The following ZNF704 variants were observed in gnomAD, a reference collection of about 807,000 sequenced individuals.
ZNF704 encodes the protein zinc finger protein 704.
In ZNF704, 10 loss-of-function variants were observed where a neutral mutation model predicts 44.7. The observed-to-expected ratio is 0.22, with a 90% CI of 0.14 to 0.38. ZNF704 has a LOEUF of 0.38. Among genes scored for constraint, ZNF704 ranks in the 10% least tolerant of loss-of-function variants. ZNF704 has a pLI of 1.00. For synonymous variants in ZNF704, 211 were observed against 207.6 expected, an observed-to-expected ratio of 1.02 and a Z score of -0.14; for missense variants, 390 against 545.5, an observed-to-expected ratio of 0.71 and a Z score of 2.84.
In ZNF704 at chr8:80,646,657, A is replaced by G. The variant is rs185371939; in HGVS notation, c.1033-3528T>C. On this transcript the variant is annotated intron_variant, in intron 7 of 8. Transcript: ENST00000327835. ...CTTTGGAGTTCAGTGCATTCATTTC[A>G]TGTGTATAGATACGCAGCTTCCTCC... Among the ~76,000 whole-genome samples, 376 of 152,246 alleles carry G rather than the reference A, an allele frequency of 2.5e-3. 4 individuals carry two copies. Among genetic ancestry groups the G allele is most frequent in the African/African-American group, 8.7e-3 (363 of 41,548 alleles).
At chr8:80,737,848 C>T (rs1000876191) in intron 2 of ZNF704, among the ~76,000 whole-genome samples, 1 of 152,038 alleles carries the variant, frequency 6.6e-6, no homozygotes, top group Non-Finnish European at 1.5e-5. Context: ...CATTAGTAGA[C>T]TATTACTCAT....
At chr8:80,723,057 T>A (rs1052734271) in intron 2 of ZNF704, among the ~76,000 whole-genome samples, 1 of 152,252 alleles carries the variant, frequency 6.6e-6, no homozygotes, top group African/African-American at 2.4e-5. Flanking sequence ...CAGTACTATG[T>A]CATATTTGAC....
At chr8:80,699,924 C>T (rs1484650690) in intron 2 of ZNF704, among the ~76,000 whole-genome samples, 1 of 152,138 alleles carries the variant, frequency 6.6e-6, no homozygotes, top group Non-Finnish European at 1.5e-5. Context: ...CCAGGCTCTC[C>T]CTTGTAGGTC....
chr8:80,716,058 C>A (rs546885817), intron 2 of ZNF704, among the ~76,000 whole-genome samples: 2 of 149,110 alleles, frequency 1.3e-5, no homozygotes, highest in Non-Finnish European at 3.0e-5. Context: ...CCAGCCTGGG[C>A]GACAAAGTGA....
chr8:80,739,998 A>T (rs918664195), intron 2 of ZNF704, among the ~76,000 whole-genome samples: 8 of 151,978 alleles, frequency 5.3e-5, no homozygotes, highest in Non-Finnish European at 1.0e-4. Flanking sequence ...GGTATGCTTG[A>T]CCATTGAGGG....
intron 2 of ZNF704, among the ~76,000 whole-genome samples, chr8:80,779,676 TA>T (rs1807477654): frequency 1.3e-5 from 2 of 152,092 alleles, no homozygotes; most frequent in South Asian, 4.1e-4. Context: ...TAGATACTAA[TA>T]ATACATTTCA....
chr8:80,859,248 T>C (rs1809018248), intron 1 of ZNF704, among the ~76,000 whole-genome samples: 1 of 152,196 alleles, frequency 6.6e-6, no homozygotes, highest in Non-Finnish European at 1.5e-5. Flanking sequence ...AAGATATATA[T>C]TCTATGCTAA....
At chr8:80,709,112 G>A (rs1425593107) in intron 2 of ZNF704, among the ~76,000 whole-genome samples, 3 of 152,084 alleles carry the variant, frequency 2.0e-5, no homozygotes, top group African/African-American at 7.2e-5. Flanking sequence ...ACCATAGACA[G>A]AAATAAGCAC....
chr8:80,785,029 C>T (rs1408528223), intron 2 of ZNF704, among the ~76,000 whole-genome samples: 2 of 152,164 alleles, frequency 1.3e-5, no homozygotes, highest in Non-Finnish European at 2.9e-5. Context: ...CTAAAGTCCA[C>T]ACTGTATTCA....
At chr8:80,867,874 C>A (rs1809183848) in intron 1 of ZNF704, among the ~76,000 whole-genome samples, 1 of 152,228 alleles carries the variant, frequency 6.6e-6, no homozygotes, top group African/African-American at 2.4e-5. Flanking sequence ...TATATTATCT[C>A]ATTTAAAAGC....
intron 2 of ZNF704, among the ~76,000 whole-genome samples, chr8:80,719,091 T>C (rs1354914727): frequency 6.6e-6 from 1 of 152,068 alleles, no homozygotes; most frequent in East Asian, 1.9e-4. Flanking sequence ...TCAGCCTCCC[T>C]AGTAGTTGGG....
rs1441828174 is a variant in ZNF704 at position 80,631,246 on chromosome 8, T to C, written c.*10120A>G. On this transcript the variant is annotated 3_prime_UTR_variant, in exon 9 of 9. Coordinates refer to ENST00000327835, the MANE Select transcript of ZNF704 (RefSeq NM_001033723.3). ...GGTAGTTTATCATGAAACTCCGCTG[T>C]ATATCCCTGAGGGGTATATTCACAC... The C allele has an allele frequency of 6.6e-6, 1 of 152,080 alleles. No homozygotes were observed. Among genetic ancestry groups the C allele is most frequent in the Admixed American group, 6.5e-5 (1 of 15,270 alleles). The allele number at this position is 152,080 out of a possible 1,614,324, so 9.4% of individuals were successfully genotyped here. A position where few individuals can be genotyped will look rare whatever the true frequency, so the allele number is the denominator to read the frequency against.
intron 2 of ZNF704, among the ~76,000 whole-genome samples, chr8:80,789,916 TAGTC>T (rs1035139994): frequency 6.7e-4 from 102 of 152,296 alleles, no homozygotes; most frequent in African/African-American, 2.3e-3. Flanking sequence ...CAAGAAGAAA[TAGTC>T]AGAGAAAGGA....
chr8:80,876,652 A>T (rs1018224390), upstream of ZNF704, among the ~76,000 whole-genome samples: 15 of 152,180 alleles, frequency 9.9e-5, no homozygotes, highest in Admixed American at 9.8e-4. Flanking sequence ...CTGTTTCCTC[A>T]TCTGTGAAAT....
chr8:80,693,251 GGAAGCT>G (rs1334768537), intron 2 of ZNF704, 144 bp from the exon 3 acceptor site: 1 of 690,606 alleles, frequency 1.4e-6, no homozygotes, highest in East Asian at 2.7e-5. Flanking sequence ...TTATAGATGA[GGAAGCT>G]GAAGCCCATG....
At position 80,792,648 on chromosome 8, in the gene ZNF704, A is replaced by C. The variant is rs983811245; in HGVS notation, c.221+28726T>G. Among the ~76,000 whole-genome samples, 87 of 152,202 alleles carry C rather than the reference A, an allele frequency of 5.7e-4. 1 individual carries two copies. The highest frequency in any genetic ancestry group is 4.7e-3 in the Admixed American group (72 of 15,276). ...TAAATACATGAGATCCTTTTAACAC[A>C]TCAGGAGTAAAGGTTTCCTCTTGCT... On this transcript the variant is annotated intron_variant, in intron 2 of 8. Coordinates refer to ENST00000327835, the MANE Select transcript of ZNF704 (RefSeq NM_001033723.3).
chr8:80,725,758 G>A (rs1806468706), intron 2 of ZNF704, among the ~76,000 whole-genome samples: 1 of 152,134 alleles, frequency 6.6e-6, no homozygotes, highest in Non-Finnish European at 1.5e-5. Flanking sequence ...GGGGCTTACT[G>A]TTAACAATGC....
chr8:80,842,321 G>C (rs1351684631), intron 1 of ZNF704, among the ~76,000 whole-genome samples: 1 of 152,076 alleles, frequency 6.6e-6, no homozygotes, highest in African/African-American at 2.4e-5. Flanking sequence ...GGAACAAATG[G>C]AAATACCTAG....
intron 1 of ZNF704, among the ~76,000 whole-genome samples, chr8:80,870,137 G>C (rs1809226630): frequency 6.6e-6 from 1 of 152,154 alleles, no homozygotes; most frequent in Admixed American, 6.5e-5. Context: ...GTTAAGCTGA[G>C]CCTAGACTCC....
Sources: gnomAD v4.1 joint callset for allele counts (sites outside exome capture counted in the v4.1 genomes callset) on GRCh38, gnomAD v4.1.1 for gene constraint, MANE v1.5 for transcripts, NCBI Gene and HGNC (gene_info 2026-07-23, HGNC 2026-07-21) for gene names.